Variants in WDFY2 observed in about 807,000 individuals in gnomAD.
The protein encoded by WDFY2 is WD repeat and FYVE domain containing 2.
In WDFY2, 36 loss-of-function variants were observed where a neutral mutation model predicts 56.4. That is an observed-to-expected ratio of 0.64 (90% CI 0.49 to 0.84). The LOEUF is 0.84. Ranked by LOEUF, WDFY2 falls within the 40% of genes least tolerant of loss-of-function variation. The pLI is 0.00. For synonymous variants in WDFY2, 176 were observed against 183.7 expected, an observed-to-expected ratio of 0.96 and a Z score of 0.34; for missense variants, 444 against 512.2, an observed-to-expected ratio of 0.87 and a Z score of 1.29.
At chr13:51,686,850 G>A (rs923655696) in intron 3 of WDFY2, among the ~76,000 whole-genome samples, 4 of 151,780 alleles carry the variant, frequency 2.6e-5, no homozygotes, top group Non-Finnish European at 5.9e-5. Flanking sequence ...TTAGCAATTA[G>A]CCTCTCTTTT....
chr13:51,696,819 G>A (rs1000489865), intron 3 of WDFY2, among the ~76,000 whole-genome samples: 4 of 152,204 alleles, frequency 2.6e-5, no homozygotes, highest in South Asian at 2.1e-4. Context: ...AGTCATAAAC[G>A]AAAATATTAT....
intron 3 of WDFY2, among the ~76,000 whole-genome samples, chr13:51,677,788 TA>T (rs1350822455): frequency 1.3e-5 from 2 of 151,830 alleles, no homozygotes; most frequent in Non-Finnish European, 2.9e-5. Context: ...CAAGATCTGG[TA>T]GGAGACAAGC....
chr13:51,687,425 G>T (rs1038529028), intron 3 of WDFY2, among the ~76,000 whole-genome samples: 20 of 152,004 alleles, frequency 1.3e-4, no homozygotes, highest in African/African-American at 4.8e-4. Flanking sequence ...TGAGTGTGAG[G>T]TAGAGGGAAT....
intron 1 of WDFY2, among the ~76,000 whole-genome samples, chr13:51,637,918 T>C (rs912627925): frequency 6.6e-6 from 1 of 152,252 alleles, no homozygotes; most frequent in Non-Finnish European, 1.5e-5. Flanking sequence ...TGGGTCTGTT[T>C]AGTAAACATT....
Position 51,675,205 on chromosome 13 carries a change from A to C in WDFY2, c.241A>C (p.Arg81=). The change falls in exon 3 of 12, where the codon AGA becomes CGA. Residue 81 remains arginine (R), a synonymous_variant. Coordinates refer to ENST00000298125, the MANE Select transcript of WDFY2 (RefSeq NM_052950.4). ...CSCMSFNPET[R]RLSIGLDNGT... The stretch of plus-strand genomic sequence containing the variant: ...ATGCATGTCTTTTAACCCGGAAACA[A>C]GAAGACTGTCCATAGGTCTAGACAA... 6.2e-7 allele frequency: 1 copy of C among 1,614,036 alleles called. No individual in the cohort carries two copies. Among genetic ancestry groups the C allele is most frequent in the Non-Finnish European group, 8.5e-7 (1 of 1,179,932 alleles).
intron 2 of WDFY2, among the ~76,000 whole-genome samples, chr13:51,671,276 T>A (rs1158521490): frequency 6.6e-6 from 1 of 152,182 alleles, no homozygotes; most frequent in Non-Finnish European, 1.5e-5. Context: ...TTTTAGTTAT[T>A]TAAGGAATCT....
At position 51,738,919 on chromosome 13, in the gene WDFY2, A is replaced by T. The variant is rs1425901904; in HGVS notation, c.599-130A>T. The T allele has an allele frequency of 4.2e-6, 5 of 1,194,196 alleles. No homozygotes were observed. In the African/African-American group the frequency reaches 7.8e-5, roughly 19 times the overall value. The allele number at this position is 1,194,196 out of a possible 1,614,324, so 74.0% of individuals were successfully genotyped here. On this transcript the variant is annotated intron_variant, in intron 6 of 11. Coordinates refer to ENST00000298125, the MANE Select transcript of WDFY2 (RefSeq NM_052950.4). ...TTTTTTCTCTTTGGGGACTTACTTG[A>T]TTGTTCTTTCAATAAGAATTTATTG...
At chr13:51,704,610 T>G (rs1383587950) in intron 4 of WDFY2, among the ~76,000 whole-genome samples, 2 of 152,206 alleles carry the variant, frequency 1.3e-5, no homozygotes, top group Admixed American at 1.3e-4. Context: ...CAGTGAAAGT[T>G]TCTGCCCCTT....
At chr13:51,733,259 A>G (rs1386749717) in intron 6 of WDFY2, among the ~76,000 whole-genome samples, 1 of 151,634 alleles carries the variant, frequency 6.6e-6, no homozygotes, top group Admixed American at 6.6e-5. Context: ...CTGGTCTTGA[A>G]CTCCTGACTT....
intron 4 of WDFY2, among the ~76,000 whole-genome samples, chr13:51,707,068 T>TA (rs540871657): frequency 6.4e-4 from 98 of 152,288 alleles, no homozygotes; most frequent in Non-Finnish European, 1.2e-3. Context: ...GTCATTGAAA[T>TA]AAAAAATCAG....
chr13:51,700,559 G>A (rs374040951), intron 3 of WDFY2, among the ~76,000 whole-genome samples: 8 of 151,982 alleles, frequency 5.3e-5, no homozygotes, highest in East Asian at 3.9e-4. Context: ...AATTCTTCTC[G>A]GACTTTTATT....
intron 2 of WDFY2, among the ~76,000 whole-genome samples, chr13:51,670,536 C>CACACACACAG (rs1485724613): frequency 2.1e-5 from 3 of 141,772 alleles, no homozygotes; most frequent in Admixed American, 7.0e-5. Context: ...CACACACACA[C>CACACACACAG]AGATGTTTGC....
intron 1 of WDFY2, among the ~76,000 whole-genome samples, chr13:51,607,973 A>G (rs1412511011): frequency 6.6e-6 from 1 of 152,206 alleles, no homozygotes. Flanking sequence ...GGACAAGGCA[A>G]CGTGTAGATT....
At chr13:51,681,832 C>G (rs1955981937) in intron 3 of WDFY2, among the ~76,000 whole-genome samples, 1 of 152,122 alleles carries the variant, frequency 6.6e-6, no homozygotes, top group African/African-American at 2.4e-5. Context: ...AAAGAAAACT[C>G]TTGCTGTATT....
chr13:51,694,967 A>C (rs931228858), intron 3 of WDFY2, among the ~76,000 whole-genome samples: 1 of 152,080 alleles, frequency 6.6e-6, no homozygotes, highest in Non-Finnish European at 1.5e-5. Flanking sequence ...CTTCCAGTTG[A>C]TCGCATCGGC....
chr13:51,648,565 T>A (rs907143919), intron 1 of WDFY2, among the ~76,000 whole-genome samples: 2 of 152,074 alleles, frequency 1.3e-5, no homozygotes, highest in Non-Finnish European at 2.9e-5. Context: ...AGAACTTTGA[T>A]ATAAACACCA....
chr13:51,622,853 C>CTTTTT (rs59372497), intron 1 of WDFY2, among the ~76,000 whole-genome samples: 2 of 130,968 alleles, frequency 1.5e-5, no homozygotes, highest in Non-Finnish European at 3.2e-5. Flanking sequence ...TAACTTTACA[C>CTTTTT]TTTTTTTTTT....
intron 1 of WDFY2, chr13:51,594,336 C>T (rs1453911303): frequency 1.3e-5 from 2 of 152,062 alleles, no homozygotes; most frequent in African/African-American, 4.8e-5. Flanking sequence ...GAAAAAATAA[C>T]TTTTTGATTG....
intron 1 of WDFY2, among the ~76,000 whole-genome samples, chr13:51,658,670 T>TA (rs909533615): frequency 1.3e-5 from 2 of 152,188 alleles, no homozygotes; most frequent in African/African-American, 4.8e-5. Flanking sequence ...ACATGTATTG[T>TA]AAAAAGAACT....
Sources: allele counts gnomAD v4.1 joint callset (sites outside exome capture counted in the v4.1 genomes callset), GRCh38; gene constraint gnomAD v4.1.1; transcripts MANE v1.5; gene names NCBI Gene and HGNC (gene_info 2026-07-23, HGNC 2026-07-21).